Variants in MARCHF1 observed in about 807,000 individuals in gnomAD.
MARCHF1 encodes membrane associated ring-CH-type finger 1.
A neutral mutation model predicts 54.2 loss-of-function variants in MARCHF1; 40 were observed. The observed-to-expected ratio is 0.74, with a 90% CI of 0.57 to 0.96. The LOEUF (loss-of-function observed/expected upper bound fraction) is 0.96, where lower values mean the gene tolerates loss of function less well. Ranked by LOEUF, MARCHF1 falls within the 40% of genes least tolerant of loss-of-function variation. MARCHF1 has a pLI of 0.00. For missense variants in MARCHF1, 586 were observed against 656.5 expected (o/e 0.89, Z 1.17); for synonymous variants, 236 against 236.3 (o/e 1.00, Z 0.01).
intron 1 of MARCHF1, among the ~76,000 whole-genome samples, chr4:164,286,925 C>T (rs1267534117): frequency 2.0e-5 from 3 of 149,684 alleles, no homozygotes; most frequent in Non-Finnish European, 4.4e-5. Context: ...TACATCCATG[C>T]TGCATGTGGT....
At chr4:164,239,112 A>G (rs533496953) in intron 1 of MARCHF1, among the ~76,000 whole-genome samples, 7 of 152,132 alleles carry the variant, frequency 4.6e-5, no homozygotes, top group African/African-American at 1.7e-4. Context: ...TTCATCTATT[A>G]TTTAATCACT....
intron 1 of MARCHF1, among the ~76,000 whole-genome samples, chr4:164,244,809 A>G (rs956492970): frequency 9.2e-5 from 14 of 152,312 alleles, no homozygotes; most frequent in South Asian, 2.1e-4. Flanking sequence ...ACAAAGTACC[A>G]TCAGAGAATA....
intron 5 of MARCHF1, among the ~76,000 whole-genome samples, chr4:163,628,890 G>A (rs374239849): frequency 6.6e-6 from 1 of 152,250 alleles, no homozygotes; most frequent in African/African-American, 2.4e-5. Context: ...ACTGCTCAAG[G>A]AAATCAGAGA....
At chr4:163,574,658 T>C (rs1479375479) in intron 8 of MARCHF1, among the ~76,000 whole-genome samples, 9 of 151,620 alleles carry the variant, frequency 5.9e-5, no homozygotes, top group Non-Finnish European at 8.8e-5. Context: ...GGCTCTGTTC[T>C]GTTCCATTGA....
At chr4:163,745,418 G>C (rs1481375686) in intron 4 of MARCHF1, among the ~76,000 whole-genome samples, 1 of 151,960 alleles carries the variant, frequency 6.6e-6, no homozygotes, top group Non-Finnish European at 1.5e-5. Context: ...CAGCCACCAT[G>C]CTTGTTTTTT....
intron 4 of MARCHF1, among the ~76,000 whole-genome samples, chr4:163,754,080 G>A (rs1279084502): frequency 6.6e-6 from 1 of 152,138 alleles, no homozygotes; most frequent in African/African-American, 2.4e-5. Context: ...GCTTTTGGAA[G>A]GTCAACATTG....
intron 4 of MARCHF1, among the ~76,000 whole-genome samples, chr4:163,764,479 T>G (rs950134233): frequency 6.6e-6 from 1 of 152,050 alleles, no homozygotes; most frequent in Non-Finnish European, 1.5e-5. Flanking sequence ...TTTGGAGAAA[T>G]AGTGACATAC....
intron 4 of MARCHF1, among the ~76,000 whole-genome samples, chr4:163,722,482 G>A (rs1367486643): frequency 2.6e-5 from 4 of 152,170 alleles, no homozygotes; most frequent in African/African-American, 9.7e-5. Context: ...AGTGCGATGT[G>A]GTGCTGAGAA....
intron 1 of MARCHF1, among the ~76,000 whole-genome samples, chr4:164,362,993 A>G (rs1040140088): frequency 6.6e-6 from 1 of 152,174 alleles, no homozygotes; most frequent in Admixed American, 6.6e-5. Flanking sequence ...TGCATACATA[A>G]TTGCTGTAGT....
intron 1 of MARCHF1, among the ~76,000 whole-genome samples, chr4:164,228,121 T>C (rs1037716465): frequency 3.9e-5 from 6 of 152,158 alleles, no homozygotes; most frequent in African/African-American, 1.2e-4. Context: ...ATGACGATGA[T>C]GATACTGACG....
At chr4:164,346,339 C>T (rs1255689799) in intron 1 of MARCHF1, among the ~76,000 whole-genome samples, 2 of 152,002 alleles carry the variant, frequency 1.3e-5, no homozygotes, top group African/African-American at 4.8e-5. Context: ...TAGGTAGAAC[C>T]ACTGACATGG....
intron 1 of MARCHF1, among the ~76,000 whole-genome samples, chr4:164,127,283 G>A (rs1003737245): frequency 1.9e-4 from 29 of 152,054 alleles, no homozygotes; most frequent in African/African-American, 6.8e-4. Flanking sequence ...TCTCTTAAAA[G>A]CTTAAAGTAA....
chr4:163,785,363 G>A (rs554414083), intron 4 of MARCHF1, among the ~76,000 whole-genome samples: 4 of 152,190 alleles, frequency 2.6e-5, no homozygotes, highest in South Asian at 2.1e-4. Flanking sequence ...TAGCTTGCTC[G>A]ATTGAAAGTG....
At chr4:164,007,220 C>A (rs1355268636) in intron 2 of MARCHF1, among the ~76,000 whole-genome samples, 1 of 150,682 alleles carries the variant, frequency 6.6e-6, no homozygotes, top group South Asian at 2.1e-4. Flanking sequence ...GTGGCAGGCA[C>A]CTGTAGTCCC....
chr4:163,773,714 G>C (rs1314643490), intron 4 of MARCHF1, among the ~76,000 whole-genome samples: 3 of 152,176 alleles, frequency 2.0e-5, no homozygotes, highest in Non-Finnish European at 2.9e-5. Context: ...GCCTCAAGGG[G>C]ATGTTCTTTA....
At chr4:163,965,269 T>G (rs1418478283) in intron 3 of MARCHF1, among the ~76,000 whole-genome samples, 1 of 151,970 alleles carries the variant, frequency 6.6e-6, no homozygotes, top group African/African-American at 2.4e-5. Flanking sequence ...GGGAAGGATC[T>G]CTCTTGTTAG....
At chr4:164,242,044 CA>C (rs999801059) in intron 1 of MARCHF1, among the ~76,000 whole-genome samples, 1 of 152,200 alleles carries the variant, frequency 6.6e-6, no homozygotes, top group African/African-American at 2.4e-5. Flanking sequence ...GGCAGCGAGG[CA>C]GGGGGAGGGG....
At chr4:163,949,883 T>C (rs1752099770) in intron 3 of MARCHF1, among the ~76,000 whole-genome samples, 1 of 152,176 alleles carries the variant, frequency 6.6e-6, no homozygotes, top group Non-Finnish European at 1.5e-5. Context: ...AGGCAGGTTG[T>C]CCTGTCCTCT....
At chr4:163,681,429 G>A (rs1744099152) in intron 5 of MARCHF1, among the ~76,000 whole-genome samples, 1 of 152,110 alleles carries the variant, frequency 6.6e-6, no homozygotes, top group African/African-American at 2.4e-5. Context: ...TCACATCATA[G>A]GCTGATATAG....
Sources: allele counts gnomAD v4.1 joint callset (sites outside exome capture counted in the v4.1 genomes callset), GRCh38; gene constraint gnomAD v4.1.1; transcripts MANE v1.5; gene names NCBI Gene and HGNC (gene_info 2026-07-23, HGNC 2026-07-21).